Variants in PAK5 observed in about 807,000 individuals in gnomAD.
The protein encoded by PAK5 is serine/threonine-protein kinase PAK 5.
In PAK5, 16 loss-of-function variants were observed where a neutral mutation model predicts 65.9. That is an observed-to-expected ratio of 0.24 (90% CI 0.16 to 0.37). The LOEUF (loss-of-function observed/expected upper bound fraction) is 0.37, where lower values mean the gene tolerates loss of function less well. PAK5 is among the 10% of genes least tolerant of loss of function. The pLI is 1.00. For synonymous variants in PAK5, 371 were observed against 354.9 expected, an observed-to-expected ratio of 1.05 and a Z score of -0.51; for missense variants, 785 against 903.9, an observed-to-expected ratio of 0.87 and a Z score of 1.69.
intron 2 of PAK5, among the ~76,000 whole-genome samples, chr20:9,674,255 C>T (rs1233025370): frequency 6.6e-6 from 1 of 151,246 alleles, no homozygotes; most frequent in Non-Finnish European, 1.5e-5. Context: ...ACAATGACTC[C>T]TCACCCTTTT....
chr20:9,784,061 A>C (rs771826217), intron 1 of PAK5, among the ~76,000 whole-genome samples: 5 of 152,238 alleles, frequency 3.3e-5, no homozygotes, highest in Non-Finnish European at 5.9e-5. Context: ...ATTAAGTAGC[A>C]GATGCCAGTG....
chr20:9,559,150 C>T (rs902079652), intron 6 of PAK5, among the ~76,000 whole-genome samples: 3 of 152,106 alleles, frequency 2.0e-5, no homozygotes, highest in Non-Finnish European at 4.4e-5. Context: ...CTCATTTAGG[C>T]AGCTGCCTAA....
chr20:9,801,103 AG>A, intron 1 of PAK5, among the ~76,000 whole-genome samples: 1 of 152,262 alleles, frequency 6.6e-6, no homozygotes, highest in South Asian at 2.1e-4. Flanking sequence ...GAAGACATAG[AG>A]GTTTCCTACT....
chr20:9,730,414 TA>T (rs2048324291), intron 1 of PAK5, among the ~76,000 whole-genome samples: 1 of 152,200 alleles, frequency 6.6e-6, no homozygotes, highest in South Asian at 2.1e-4. Context: ...GATAAATTTT[TA>T]AAAAGTACAC....
intron 2 of PAK5, among the ~76,000 whole-genome samples, chr20:9,665,946 G>A (rs1013613727): frequency 2.0e-5 from 3 of 152,114 alleles, no homozygotes; most frequent in African/African-American, 7.2e-5. Context: ...CCTGGGTTAT[G>A]TTGTGGACTC....
chr20:9,571,881 G>GT (rs1555897686), intron 4 of PAK5, among the ~76,000 whole-genome samples: 6 of 143,592 alleles, frequency 4.2e-5, no homozygotes, highest in Non-Finnish European at 9.1e-5. Flanking sequence ...TGATGGGGGG[G>GT]GGGGATGTGG....
chr20:9,755,472 C>T (rs1383295932), intron 1 of PAK5, among the ~76,000 whole-genome samples: 1 of 152,176 alleles, frequency 6.6e-6, no homozygotes, highest in Non-Finnish European at 1.5e-5. Flanking sequence ...TGCAAAGACA[C>T]AGTCTTTGAC....
intron 2 of PAK5, among the ~76,000 whole-genome samples, chr20:9,649,644 C>T (rs949185505): frequency 2.6e-5 from 4 of 152,142 alleles, no homozygotes; most frequent in East Asian, 1.9e-4. Context: ...CAGGTCTCTA[C>T]GAACAGGCAT....
At chr20:9,648,472 C>T (rs945647281) in intron 2 of PAK5, among the ~76,000 whole-genome samples, 2 of 144,024 alleles carry the variant, frequency 1.4e-5, no homozygotes. Context: ...ACATAAACCT[C>T]TTTTTTTTTT....
intron 4 of PAK5, chr20:9,575,566 C>A (rs2122988996): frequency 6.6e-6 from 1 of 152,298 alleles, no homozygotes; most frequent in Non-Finnish European, 1.5e-5. Context: ...ATTTCTGCAC[C>A]TAACACTTCC....
intron 3 of PAK5, among the ~76,000 whole-genome samples, chr20:9,620,587 G>A (rs2046750520): frequency 6.6e-6 from 1 of 152,190 alleles, no homozygotes; most frequent in South Asian, 2.1e-4. Context: ...AGCTGCTCAT[G>A]GGTGGACAGC....
intron 2 of PAK5, among the ~76,000 whole-genome samples, chr20:9,656,103 TA>T (rs1327244008): frequency 1.3e-5 from 2 of 152,174 alleles, no homozygotes; most frequent in African/African-American, 4.8e-5. Context: ...AAAACTTTTT[TA>T]AATGCTAGCA....
intron 9 of PAK5, among the ~76,000 whole-genome samples, chr20:9,540,927 G>T (rs1365739515): frequency 6.6e-6 from 1 of 152,030 alleles, no homozygotes; most frequent in African/African-American, 2.4e-5. Flanking sequence ...TAGTGGAGAT[G>T]GGGTTTCACC....
At chr20:9,660,486 G>T (rs2123330124) in intron 2 of PAK5, among the ~76,000 whole-genome samples, 1 of 151,690 alleles carries the variant, frequency 6.6e-6, no homozygotes, top group Admixed American at 6.6e-5. Flanking sequence ...GGGCTCTCAT[G>T]ATAGGAGAGA....
At chr20:9,807,429 A>G (rs911615014) in intron 1 of PAK5, among the ~76,000 whole-genome samples, 4 of 152,172 alleles carry the variant, frequency 2.6e-5, no homozygotes, top group African/African-American at 9.7e-5. Flanking sequence ...AAATTAGCAT[A>G]AATACCTTTG....
At chr20:9,827,935 G>A (rs758016032) in intron 1 of PAK5, among the ~76,000 whole-genome samples, 2 of 152,182 alleles carry the variant, frequency 1.3e-5, no homozygotes, top group African/African-American at 2.4e-5. Context: ...GGGTTCAAGC[G>A]ATTCTCTTGC....
intron 2 of PAK5, among the ~76,000 whole-genome samples, chr20:9,699,363 A>G (rs796509019): frequency 4.6e-5 from 7 of 152,168 alleles, no homozygotes; most frequent in African/African-American, 1.7e-4. Context: ...GTACTTTCCA[A>G]TTGCTTCCTT....
At chr20:9,703,845 C>G (rs956238679) in intron 2 of PAK5, among the ~76,000 whole-genome samples, 9 of 151,886 alleles carry the variant, frequency 5.9e-5, no homozygotes, top group Non-Finnish European at 4.4e-5. Context: ...AGGGCTGATA[C>G]TTCTCTGCTG....
At chr20:9,715,723 A>G (rs1346062176) in intron 1 of PAK5, among the ~76,000 whole-genome samples, 2 of 152,144 alleles carry the variant, frequency 1.3e-5, no homozygotes, top group African/African-American at 4.8e-5. Flanking sequence ...GCCATAAAAA[A>G]GGATGAGTTC....
Sources: gnomAD v4.1 joint callset for allele counts (sites outside exome capture counted in the v4.1 genomes callset) on GRCh38, gnomAD v4.1.1 for gene constraint, MANE v1.5 for transcripts, NCBI Gene and HGNC (gene_info 2026-07-23, HGNC 2026-07-21) for gene names.